The following COL15A1 variants were observed in gnomAD, a reference collection of about 807,000 sequenced individuals.
The protein encoded by COL15A1 is collagen alpha-1(XV) chain.
In COL15A1, 111 loss-of-function variants were observed where a neutral mutation model predicts 165.9. That is an observed-to-expected ratio of 0.67 (90% CI 0.57 to 0.78). The LOEUF (loss-of-function observed/expected upper bound fraction) is 0.78, where lower values mean the gene tolerates loss of function less well. Among genes scored for constraint, COL15A1 ranks in the 30% least tolerant of loss-of-function variants. The pLI, the probability that COL15A1 is intolerant of heterozygous loss-of-function variation, is 0.00. For missense variants in COL15A1, 1,745 were observed against 1,789.7 expected (o/e 0.98, Z 0.45); for synonymous variants, 659 against 674.8 (o/e 0.98, Z 0.36).
At position 99,068,643 on chromosome 9, in the gene COL15A1, G is replaced by T; in HGVS notation, c.3926G>T (p.Gly1309Val). ...NMHIPIYSFD[G>V]RDIMTDPSWP... ...CATATTCCAATATACTCCTTTGATG[G>T]TCGAGACATAATGACAGATCCTTCT... Residue 1309 changes from glycine to valine, a missense_variant, in exon 41 of 42, where the codon GGT becomes GTT. Gly to Val is a moderately radical substitution (Grantham distance 109). Transcript: ENST00000375001. 1 of 1,562,788 alleles carries T rather than the reference G, an allele frequency of 6.4e-7. No individual in the cohort carries two copies. Among genetic ancestry groups the T allele is most frequent in the Non-Finnish European group, 8.6e-7 (1 of 1,162,052 alleles).
At chr9:99,020,332 C>A in intron 11 of COL15A1, 57 bp from the exon 12 acceptor site, 1 of 1,267,172 alleles carries the variant, frequency 7.9e-7, no homozygotes, top group Non-Finnish European at 1.2e-6. Context: ...CGGAACTCAG[C>A]AGCCCCATGT....
At position 99,012,916 on chromosome 9, in the gene COL15A1, G is replaced by C. The variant is rs112417262; in HGVS notation, c.1354-2501G>C. On this transcript the variant is annotated intron_variant, in intron 9 of 41. Coordinates refer to ENST00000375001, the MANE Select transcript of COL15A1 (RefSeq NM_001855.5). ...TTTAGTAGAGACAGGTTTTCACCAT[G>C]TTGGCCAGGCTGGTCTCGAACTCCT... Among the ~76,000 whole-genome samples, 611 of 152,084 alleles carry C rather than the reference G, an allele frequency of 4.0e-3. 6 individuals are homozygous for C. Among genetic ancestry groups the C allele is most frequent in the African/African-American group, 0.014 (567 of 41,478 alleles).
At chr9:98,977,050 A>G (rs1166557794) in intron 2 of COL15A1, among the ~76,000 whole-genome samples, 1 of 152,204 alleles carries the variant, frequency 6.6e-6, no homozygotes, top group Non-Finnish European at 1.5e-5. Flanking sequence ...CATGGGAAAT[A>G]GCAGGGTAAT....
In COL15A1 at chr9:99,005,070, C is replaced by T; in HGVS notation, c.1353+20C>T. 1.9e-6 allele frequency: 3 copies of T among 1,568,168 alleles called. No homozygotes were observed. Among genetic ancestry groups the T allele is most frequent in the Non-Finnish European group, 2.6e-6 (3 of 1,158,198 alleles). On this transcript the variant is annotated intron_variant, in intron 9 of 41. Coordinates refer to ENST00000375001, the MANE Select transcript of COL15A1 (RefSeq NM_001855.5). ...ACTGTGGTAAGGATCGTACAGTGCC[C>T]AAAGGTTGAGGTCATGGTGGGAGCA...
intron 2 of COL15A1, among the ~76,000 whole-genome samples, 198 bp downstream of exon 2, chr9:98,944,448 G>A (rs1292836445): frequency 6.6e-6 from 1 of 152,212 alleles, no homozygotes; most frequent in Admixed American, 6.5e-5. Flanking sequence ...GGGATCCCTG[G>A]GCAGCTGGGG....
intron 2 of COL15A1, among the ~76,000 whole-genome samples, chr9:98,981,167 G>A (rs77710222): frequency 0.015 from 2,253 of 152,178 alleles, 132 homozygotes; most frequent in East Asian, 0.096. Context: ...GAAAATATAA[G>A]GCCAGGCCAG....
At chr9:98,977,244 A>AT (rs1410458518) in intron 2 of COL15A1, among the ~76,000 whole-genome samples, 1 of 152,180 alleles carries the variant, frequency 6.6e-6, no homozygotes, top group Non-Finnish European at 1.5e-5. Context: ...TTCCATCAGC[A>AT]TGCTCCACGC....
chr9:98,970,400 G>A (rs1838027615), intron 2 of COL15A1, among the ~76,000 whole-genome samples: 2 of 152,260 alleles, frequency 1.3e-5, no homozygotes, highest in South Asian at 4.1e-4. Flanking sequence ...GGAGGGAAAT[G>A]CAGAAAATGT....
intron 2 of COL15A1, among the ~76,000 whole-genome samples, chr9:98,954,182 G>T (rs768342742): frequency 6.6e-6 from 1 of 152,074 alleles, no homozygotes; most frequent in Non-Finnish European, 1.5e-5. Context: ...GGGAGAGGCA[G>T]AGGGATGTGA....
chr9:99,011,655 T>C (rs890592980), intron 9 of COL15A1, among the ~76,000 whole-genome samples: 10 of 152,132 alleles, frequency 6.6e-5, no homozygotes, highest in Non-Finnish European at 1.3e-4. Context: ...AAAGAATGTT[T>C]TCTTACAATA....
At chr9:98,999,931 T>C (rs987135477) in intron 6 of COL15A1, among the ~76,000 whole-genome samples, 1 of 151,190 alleles carries the variant, frequency 6.6e-6, no homozygotes, top group Non-Finnish European at 1.5e-5. Flanking sequence ...CTCAGCTTAC[T>C]ACAACCTCTG....
At chr9:99,068,442 C>A in intron 40 of COL15A1, 113 bp from the exon 41 acceptor site, 2 of 460,060 alleles carry the variant, frequency 4.3e-6, no homozygotes, top group Non-Finnish European at 7.2e-6. Context: ...TCCAGCCTGG[C>A]TGGATGACAA....
At position 99,023,458 on chromosome 9, in the gene COL15A1, G is replaced by A. The variant is rs561979515; in HGVS notation, c.1854+9G>A. ...GTGAGCAGCTGCTGAGAGTGAGTGTGAAGGAGGACACGACCTGGTGTCTGG... is the reference window on the plus strand; with the variant it reads ...GTGAGCAGCTGCTGAGAGTGAGTGTAAAGGAGGACACGACCTGGTGTCTGG... On this transcript the variant is annotated intron_variant, in intron 14 of 41. Coordinates refer to ENST00000375001, the MANE Select transcript of COL15A1 (RefSeq NM_001855.5). 2.5e-6 allele frequency: 3 copies of A among 1,216,472 alleles called. No individual in the cohort carries two copies. In the South Asian group the frequency reaches 3.6e-5, roughly 15 times the overall value. 75.4% of individuals were successfully genotyped at this position (1,216,472 alleles called of 1,614,324 possible). A position where few individuals can be genotyped will look rare whatever the true frequency, so the allele number is the denominator to read the frequency against.
At chr9:99,018,410 G>A (rs144725612) in intron 11 of COL15A1, among the ~76,000 whole-genome samples, 191 of 152,300 alleles carry the variant, frequency 1.3e-3, no homozygotes, top group African/African-American at 4.4e-3. Flanking sequence ...ATGGGAGTGT[G>A]AGGGTTACTG....
intron 9 of COL15A1, among the ~76,000 whole-genome samples, chr9:99,010,287 CT>C (rs1290554988): frequency 6.6e-6 from 1 of 152,210 alleles, no homozygotes; most frequent in East Asian, 1.9e-4. Context: ...GATTCTGTCA[CT>C]GTTCTGGGCA....
chr9:98,989,364 C>A, intron 5 of COL15A1, 106 bp downstream of exon 5: 1 of 887,804 alleles, frequency 1.1e-6, no homozygotes, highest in Non-Finnish European at 1.7e-6. Context: ...GTTTCCAGAC[C>A]TGTGAGCTTA....
At chr9:99,020,732 C>T (rs1337804382) in intron 12 of COL15A1, among the ~76,000 whole-genome samples, 1 of 152,232 alleles carries the variant, frequency 6.6e-6, no homozygotes. Flanking sequence ...ACACCTGGCT[C>T]TGCCACACAT....
At chr9:98,986,221 G>A in intron 3 of COL15A1, 109 bp downstream of exon 3, 1 of 885,334 alleles carries the variant, frequency 1.1e-6, no homozygotes, top group Non-Finnish European at 1.7e-6. Context: ...TGTCCTCAAA[G>A]AAGCATGCGT....
intron 41 of COL15A1, among the ~76,000 whole-genome samples, 174 bp downstream of exon 41, chr9:99,068,844 C>T (rs528729434): frequency 4.6e-5 from 7 of 152,308 alleles, no homozygotes; most frequent in Middle Eastern, 3.4e-3. Flanking sequence ...GACCCAGGTC[C>T]AGTAACTCAA....
Sources: gnomAD v4.1 joint callset for allele counts (sites outside exome capture counted in the v4.1 genomes callset) on GRCh38, gnomAD v4.1.1 for gene constraint, MANE v1.5 for transcripts, NCBI Gene and HGNC (gene_info 2026-07-23, HGNC 2026-07-21) for gene names.